The following SLC35F1 variants were observed in gnomAD, a reference collection of about 807,000 sequenced individuals.
SLC35F1 encodes solute carrier family 35 member F1, also known as chromosome 6 open reading frame 169.
In SLC35F1, 14 loss-of-function variants were observed where a neutral mutation model predicts 48.7. The ratio of observed to expected loss-of-function variants is 0.29; its 90% CI spans 0.19 to 0.45. The LOEUF is 0.45. Ranked by LOEUF, SLC35F1 falls within the 20% of genes least tolerant of loss-of-function variation. The pLI is 1.00. For synonymous variants in SLC35F1, 190 were observed against 202.2 expected (o/e 0.94, Z 0.51); for missense variants, 404 against 500.0 (o/e 0.81, Z 1.83).
intron 1 of SLC35F1, among the ~76,000 whole-genome samples, chr6:117,983,521 G>A (rs1179398944): frequency 6.6e-6 from 1 of 152,184 alleles, no homozygotes; most frequent in Non-Finnish European, 1.5e-5. Context: ...AGGTTGCAGT[G>A]AGCCAAGACT....
intron 1 of SLC35F1, among the ~76,000 whole-genome samples, chr6:118,079,075 G>T (rs9387551): frequency 0.21 from 31,539 of 151,852 alleles, 3,563 homozygotes; most frequent in East Asian, 0.39. Context: ...CAATTTTTTT[G>T]TGTGTGTACA....
At chr6:118,044,688 G>C (rs1456104173) in intron 1 of SLC35F1, among the ~76,000 whole-genome samples, 3 of 152,012 alleles carry the variant, frequency 2.0e-5, no homozygotes, top group Non-Finnish European at 4.4e-5. Context: ...CCTTTTGAAG[G>C]GTTTCGAAGA....
At chr6:118,036,842 T>C (rs1336070420) in intron 1 of SLC35F1, among the ~76,000 whole-genome samples, 1 of 152,200 alleles carries the variant, frequency 6.6e-6, no homozygotes, top group Non-Finnish European at 1.5e-5. Flanking sequence ...ATTACAGGTG[T>C]AAGCCACCAT....
intron 2 of SLC35F1, among the ~76,000 whole-genome samples, chr6:118,167,849 C>A (rs908336903): frequency 6.6e-6 from 1 of 152,170 alleles, no homozygotes; most frequent in African/African-American, 2.4e-5. Flanking sequence ...TGTAGGACCA[C>A]CATTGTATAC....
At chr6:118,146,022 T>C (rs1226464912) in intron 1 of SLC35F1, among the ~76,000 whole-genome samples, 1 of 152,126 alleles carries the variant, frequency 6.6e-6, no homozygotes, top group Non-Finnish European at 1.5e-5. Context: ...ATGCTGAAGA[T>C]TTGAGGAAGC....
At chr6:117,992,030 A>G (rs956778341) in intron 1 of SLC35F1, among the ~76,000 whole-genome samples, 12 of 151,984 alleles carry the variant, frequency 7.9e-5, no homozygotes, top group Admixed American at 3.3e-4. Context: ...TTTGATATAG[A>G]AAGATTTAAA....
intron 1 of SLC35F1, among the ~76,000 whole-genome samples, chr6:117,923,651 G>GTATATATACATATGTACATATGTACATA (rs1554216680): frequency 5.7e-5 from 1 of 17,502 alleles, no homozygotes; most frequent in Non-Finnish European, 8.5e-5. Flanking sequence ...ATGTACATAT[G>GTATATATACATATGTACATATGTACATA]TACATATGTA....
intron 2 of SLC35F1, among the ~76,000 whole-genome samples, chr6:118,210,858 C>A (rs1350300713): frequency 6.6e-6 from 1 of 152,174 alleles, no homozygotes; most frequent in Non-Finnish European, 1.5e-5. Context: ...ATGAATCCAT[C>A]CCTAACCACC....
chr6:117,910,050 A>T (rs530132221), intron 1 of SLC35F1, among the ~76,000 whole-genome samples: 2 of 152,368 alleles, frequency 1.3e-5, no homozygotes, highest in African/African-American at 4.8e-5. Context: ...TCCTTAAAGG[A>T]TAAGAAGAAA....
At chr6:118,287,820 A>G (rs1278845771) in intron 7 of SLC35F1, among the ~76,000 whole-genome samples, 1 of 152,192 alleles carries the variant, frequency 6.6e-6, no homozygotes, top group Non-Finnish European at 1.5e-5. Flanking sequence ...ATTCTCGGCA[A>G]TCTATCCTCT....
Position 118,145,689 on chromosome 6 carries a change from C to T in SLC35F1, c.174-8756C>T, listed in dbSNP as rs554569640. On this transcript the variant is annotated intron_variant, in intron 1 of 7. Coordinates refer to ENST00000360388, the MANE Select transcript of SLC35F1 (RefSeq NM_001029858.4). ...GGCTTTGTTCTAAGTATACAGTATA[C>T]CTTAAGATATTGCCTGACATAATGT... 2.6e-5 allele frequency among the ~76,000 whole-genome samples: 4 copies of T among 152,104 alleles called. No individual in the cohort carries two copies. In the East Asian group the frequency reaches 7.7e-4, roughly 29 times the overall value.
intron 3 of SLC35F1, among the ~76,000 whole-genome samples, chr6:118,240,646 C>T (rs1775426546): frequency 6.6e-6 from 1 of 152,170 alleles, no homozygotes; most frequent in African/African-American, 2.4e-5. Context: ...AGGAAATCAA[C>T]ACAGTTCTCT....
At chr6:118,186,776 G>A (rs1774662533) in intron 2 of SLC35F1, among the ~76,000 whole-genome samples, 1 of 152,128 alleles carries the variant, frequency 6.6e-6, no homozygotes, top group Non-Finnish European at 1.5e-5. Context: ...CCATCCCCAG[G>A]GAAATGGTGA....
intron 1 of SLC35F1, among the ~76,000 whole-genome samples, chr6:117,951,389 A>T (rs1424803658): frequency 6.6e-6 from 1 of 152,208 alleles, no homozygotes; most frequent in African/African-American, 2.4e-5. Context: ...TGTCTTGGAG[A>T]TGGAAAGAAC....
chr6:118,258,185 G>T lies in SLC35F1; in HGVS notation c.478-8810G>T, dbSNP rs1486528894. Among the ~76,000 whole-genome samples, 9 of 152,008 alleles carry T rather than the reference G, an allele frequency of 5.9e-5. No individual in the cohort carries two copies. In the South Asian group the frequency reaches 1.9e-3, roughly 32 times the overall value. ...GTACAATGAATTTTGTTATTACTTT[G>T]GATTATTTTATGGAACTTTGCATAA... On this transcript the variant is annotated intron_variant, in intron 3 of 7. Coordinates refer to ENST00000360388, the MANE Select transcript of SLC35F1 (RefSeq NM_001029858.4).
At chr6:118,038,997 G>T (rs1219066889) in intron 1 of SLC35F1, among the ~76,000 whole-genome samples, 1 of 151,964 alleles carries the variant, frequency 6.6e-6, no homozygotes, top group Non-Finnish European at 1.5e-5. Flanking sequence ...TTTGTATATT[G>T]ATGTTGTATC....
At chr6:118,263,347 T>A (rs1050577606) in intron 3 of SLC35F1, among the ~76,000 whole-genome samples, 1 of 152,136 alleles carries the variant, frequency 6.6e-6, no homozygotes, top group African/African-American at 2.4e-5. Context: ...TGAGCCACTG[T>A]GCCCGGCCGT....
chr6:118,020,802 A>T (rs1224911200), intron 1 of SLC35F1, among the ~76,000 whole-genome samples: 1 of 152,188 alleles, frequency 6.6e-6, no homozygotes, highest in African/African-American at 2.4e-5. Context: ...GATTAGAGAG[A>T]GTAAAATATA....
At chr6:118,025,032 G>A (rs760585423) in intron 1 of SLC35F1, among the ~76,000 whole-genome samples, 47 of 152,236 alleles carry the variant, frequency 3.1e-4, no homozygotes, top group Non-Finnish European at 5.6e-4. Context: ...TTCCCCTATT[G>A]TTAACATCCT....
Sources: gnomAD v4.1 joint callset for allele counts (sites outside exome capture counted in the v4.1 genomes callset) on GRCh38, gnomAD v4.1.1 for gene constraint, MANE v1.5 for transcripts, NCBI Gene and HGNC (gene_info 2026-07-23, HGNC 2026-07-21) for gene names.